The following TFB1M variants were observed in gnomAD, a reference collection of about 807,000 sequenced individuals.
TFB1M encodes the protein dimethyladenosine transferase 1, mitochondrial.
Under a neutral mutation model 31.1 loss-of-function variants are expected in TFB1M, and 27 were observed. That is an observed-to-expected ratio of 0.87 (90% CI 0.64 to 1.20). The LOEUF is 1.20. TFB1M is among the 50% of genes most tolerant of loss of function. TFB1M has a pLI of 0.00. For synonymous variants in TFB1M, 166 were observed against 151.8 expected (o/e 1.09, Z -0.69); for missense variants, 394 against 418.7 (o/e 0.94, Z 0.51).
At chr6:155,278,560 C>T (rs1229372649) in intron 5 of TFB1M, among the ~76,000 whole-genome samples, 2 of 152,160 alleles carry the variant, frequency 1.3e-5, no homozygotes, top group African/African-American at 4.8e-5. Context: ...CTAACACATG[C>T]CAGTCCTGGC....
At chr6:155,258,552 C>CTGAT (rs935281606) in intron 6 of TFB1M, among the ~76,000 whole-genome samples, 3 of 143,686 alleles carry the variant, frequency 2.1e-5, no homozygotes, top group Non-Finnish European at 3.1e-5. Flanking sequence ...TTGAAAATAG[C>CTGAT]TGATAGGAAA....
At chr6:155,241,560 A>G in the TFB1M span, among the ~76,000 whole-genome samples, 1 of 152,120 alleles carries the variant, frequency 6.6e-6, no homozygotes, top group East Asian at 1.9e-4. Context: ...AAGGCTTGGC[A>G]CACACGTGCG....
intron 5 of TFB1M, among the ~76,000 whole-genome samples, chr6:155,280,826 G>A (rs1785464090): frequency 6.6e-6 from 1 of 152,164 alleles, no homozygotes; most frequent in Non-Finnish European, 1.5e-5. Context: ...AGAGGTCAAG[G>A]CCTCAATAGC....
chr6:155,256,085 G>A (rs1234115767), downstream of TFB1M: 3 of 266,418 alleles, frequency 1.1e-5, no homozygotes, highest in South Asian at 5.3e-5. Flanking sequence ...GTGAGAAGAT[G>A]CATAGGAATA....
At chr6:155,254,852 G>GT (rs141654704), downstream of TFB1M, 253 of 340,572 alleles carry the variant, frequency 7.4e-4, no homozygotes, top group East Asian at 7.8e-3. Flanking sequence ...CAGGGACTTT[G>GT]TTTTCCTCAC....
chr6:155,304,197 G>C (rs571022009), intron 2 of TFB1M, among the ~76,000 whole-genome samples: 22 of 152,116 alleles, frequency 1.4e-4, no homozygotes, highest in African/African-American at 5.1e-4. Context: ...CAGGAGAATC[G>C]CTTGAGCCTG....
rs993412541 is a variant in TFB1M, at chr6:155,304,862, C to A, written c.286-6277G>T. ...TAAATACAGGTGGCTGTTGGTGAAA[C>A]AATAGACCTATAGATAAATAGAACA... On this transcript the variant is annotated intron_variant, in intron 2 of 6. Coordinates refer to ENST00000367166, the MANE Select transcript of TFB1M (RefSeq NM_016020.4). Among the ~76,000 whole-genome samples the A allele has an allele frequency of 2.0e-5, 3 of 151,344 alleles. No homozygotes were observed. In the East Asian group the frequency reaches 5.8e-4, roughly 29 times the overall value.
intron 5 of TFB1M, among the ~76,000 whole-genome samples, chr6:155,281,141 T>C (rs1785482103): frequency 6.6e-6 from 1 of 152,208 alleles, no homozygotes; most frequent in Non-Finnish European, 1.5e-5. Flanking sequence ...CAATAACAAC[T>C]ACTTTGACTG....
intron 3 of TFB1M, 107 bp downstream of exon 3, chr6:155,298,370 T>G: frequency 1.5e-6 from 1 of 683,162 alleles, no homozygotes; most frequent in Non-Finnish European, 2.6e-6. Flanking sequence ...TCAGATAATT[T>G]AAAATATAAA....
downstream of TFB1M, among the ~76,000 whole-genome samples, chr6:155,251,706 CAA>C (rs779263093): frequency 2.4e-4 from 36 of 152,272 alleles, no homozygotes; most frequent in Non-Finnish European, 3.7e-4. Context: ...TTCAATAAAA[CAA>C]AGAGTTTAAA....
chr6:155,311,664 C>A (rs1778022049), intron 1 of TFB1M, among the ~76,000 whole-genome samples: 1 of 152,208 alleles, frequency 6.6e-6, no homozygotes, highest in Admixed American at 6.5e-5. Context: ...AACCAACCGA[C>A]TCCTAAGAAC....
chr6:155,240,785 A>G, the TFB1M span: 1 of 1,474,924 alleles, frequency 6.8e-7, no homozygotes, highest in Non-Finnish European at 9.1e-7. Flanking sequence ...AGGTCCCCAG[A>G]TCACCTCTGC....
chr6:155,238,401 G>A, the TFB1M span, among the ~76,000 whole-genome samples: 2 of 152,168 alleles, frequency 1.3e-5, no homozygotes, highest in African/African-American at 4.8e-5. Context: ...TCCAACCTCT[G>A]CCTGTTACCC....
intron 5 of TFB1M, among the ~76,000 whole-genome samples, chr6:155,267,936 T>C (rs758213437): frequency 9.2e-5 from 14 of 152,238 alleles, no homozygotes; most frequent in Non-Finnish European, 1.8e-4. Context: ...TGTTAGATTT[T>C]TCTGTAATTT....
At chr6:155,254,718 C>A, downstream of TFB1M, 1 of 1,034,436 alleles carries the variant, frequency 9.7e-7, no homozygotes, top group Non-Finnish European at 1.4e-6. Context: ...CTAAACATGC[C>A]TCTTGCTCCC....
chr6:155,247,474 G>A, the TFB1M span, among the ~76,000 whole-genome samples: 1,848 of 152,052 alleles, frequency 0.012, 33 homozygotes, highest in Non-Finnish European at 0.015. Flanking sequence ...GATTAGAGGC[G>A]CCCACCACCA....
At chr6:155,240,721 G>T in the TFB1M span, 1 of 1,603,654 alleles carries the variant, frequency 6.2e-7, no homozygotes. Flanking sequence ...TAAGGGAAGA[G>T]CTGGCATTTA....
chr6:155,267,310 G>C (rs1784700351), intron 5 of TFB1M, among the ~76,000 whole-genome samples: 1 of 152,210 alleles, frequency 6.6e-6, no homozygotes, highest in Non-Finnish European at 1.5e-5. Flanking sequence ...AGGGTCAGCT[G>C]AGGCAGCCAT....
chr6:155,299,964 C>T (rs898474562), intron 2 of TFB1M, among the ~76,000 whole-genome samples: 2 of 152,182 alleles, frequency 1.3e-5, no homozygotes, highest in Non-Finnish European at 2.9e-5. Context: ...AGGGCAGGAC[C>T]CATTTCCTAT....
Sources: gnomAD v4.1 joint callset for allele counts (sites outside exome capture counted in the v4.1 genomes callset) on GRCh38, gnomAD v4.1.1 for gene constraint, MANE v1.5 for transcripts, NCBI Gene and HGNC (gene_info 2026-07-23, HGNC 2026-07-21) for gene names.